The following LRRC9 variants were observed in gnomAD, a reference collection of about 807,000 sequenced individuals.
LRRC9 encodes leucine rich repeat containing 9.
Under a neutral mutation model 63.2 loss-of-function variants are expected in LRRC9, and 122 were observed. That is an observed-to-expected ratio of 1.93 (90% CI 1.67 to 2.24). The LOEUF (loss-of-function observed/expected upper bound fraction) is 2.24. Ranked by LOEUF, LRRC9 falls within the 30% of genes most tolerant of loss-of-function variation. The pLI, the probability that LRRC9 is intolerant of heterozygous loss-of-function variation, is 0.00. For synonymous variants in LRRC9, 366 were observed against 213.1 expected (o/e 1.72, Z -6.25); for missense variants, 1,071 against 627.7 (o/e 1.71, Z -7.55).
intron 29 of LRRC9, among the ~76,000 whole-genome samples, chr14:60,037,011 T>C (rs903730902): frequency 3.3e-5 from 5 of 152,134 alleles, no homozygotes; most frequent in African/African-American, 9.6e-5. Context: ...TGAGAACATG[T>C]GGTGTTTGGT....
intron 18 of LRRC9, 126 bp downstream of exon 18, chr14:59,997,973 T>G (rs219364): frequency 0.8 from 446,306 of 556,248 alleles, 183,278 homozygotes; most frequent in Non-Finnish European, 0.87. Context: ...ACTTCCTTCC[T>G]TGAAGTCATT....
At chr14:59,963,973 TA>T (rs1042487168) in intron 10 of LRRC9, among the ~76,000 whole-genome samples, 1 of 152,230 alleles carries the variant, frequency 6.6e-6, no homozygotes, top group African/African-American at 2.4e-5. Context: ...ACAAAATGTG[TA>T]GGCATCTTTC....
intron 26 of LRRC9, among the ~76,000 whole-genome samples, chr14:60,021,479 T>C (rs1258083688): frequency 1.3e-5 from 2 of 151,868 alleles, no homozygotes; most frequent in African/African-American, 2.4e-5. Context: ...TTGAAGAAAT[T>C]TTAATTTTGA....
intron 23 of LRRC9, among the ~76,000 whole-genome samples, chr14:60,008,935 T>C (rs1595013607): frequency 6.6e-6 from 1 of 152,214 alleles, no homozygotes; most frequent in East Asian, 1.9e-4. Context: ...TGGCCCATCC[T>C]CAGAATGGGT....
intron 23 of LRRC9, among the ~76,000 whole-genome samples, chr14:60,010,145 T>G (rs551905398): frequency 6.6e-6 from 1 of 152,330 alleles, no homozygotes; most frequent in Admixed American, 6.5e-5. Context: ...CAGTGGGGAC[T>G]CTGTGTGGGG....
chr14:59,920,799 T>G (rs890080722), intron 1 of LRRC9, among the ~76,000 whole-genome samples: 15 of 152,246 alleles, frequency 9.9e-5, no homozygotes, highest in Admixed American at 3.9e-4. Flanking sequence ...ACTCTGGTCA[T>G]GGAGAACGAT....
At chr14:60,065,838 C>G (rs1192302497), downstream of LRRC9, among the ~76,000 whole-genome samples, 1 of 151,104 alleles carries the variant, frequency 6.6e-6, no homozygotes, top group African/African-American at 2.4e-5. Context: ...CACAAACAAC[C>G]TGGTAAGCTA....
intron 13 of LRRC9, among the ~76,000 whole-genome samples, chr14:59,975,068 GTGT>G (rs1886002808): frequency 9.1e-5 from 1 of 11,002 alleles, no homozygotes; most frequent in Non-Finnish European, 8.3e-4. Flanking sequence ...ACTAAACTAT[GTGT>G]GTGTGTGTGT....
At chr14:59,920,558 A>C (rs1173909898) in intron 1 of LRRC9, among the ~76,000 whole-genome samples, 1 of 152,156 alleles carries the variant, frequency 6.6e-6, no homozygotes, top group Admixed American at 6.5e-5. Flanking sequence ...GGCTGGAAAA[A>C]CCAAGTGCTC....
chr14:59,973,450 A>G (rs1037487401), intron 12 of LRRC9: 2 of 152,078 alleles, frequency 1.3e-5, no homozygotes, highest in Admixed American at 6.6e-5. Context: ...AAGCCCTATT[A>G]GAGTATACTC....
intron 23 of LRRC9, among the ~76,000 whole-genome samples, chr14:60,010,978 A>G (rs1208057655): frequency 6.6e-6 from 1 of 152,062 alleles, no homozygotes; most frequent in Non-Finnish European, 1.5e-5. Flanking sequence ...AGCCCTCCAA[A>G]CTGTTCCAAC....
chr14:59,931,733 T>C (rs1889719810), intron 5 of LRRC9, 51 bp downstream of exon 5: 1 of 651,018 alleles, frequency 1.5e-6, no homozygotes, highest in African/African-American at 1.8e-5. Context: ...TCATTTTTTA[T>C]CAATATAAAA....
At position 60,053,383 on chromosome 14, in the gene LRRC9, T is replaced by TCACACA. The variant is rs140525122; in HGVS notation, c.4131+211_4131+216dup. Among the ~76,000 whole-genome samples, 4,777 of 85,644 alleles carry TCACACA rather than the reference T, an allele frequency of 0.056. 167 individuals carry two copies. The highest frequency in any genetic ancestry group is 0.1 in the African/African-American group (3,294 of 32,016). The allele number at this position is 85,644 out of a possible 152,430, so 56.2% of individuals were successfully genotyped here. On this transcript the variant is annotated intron_variant, in intron 30 of 31. Transcript: ENST00000445360. The surrounding 1 kb of genome is among the most constrained non-coding windows in gnomAD (Gnocchi z 4.8). ...GATTTGGTGAATAGAGCATGCGTGC[T>TCACACA]CACACACACACACACACACACACAC...
chr14:59,982,484 G>T (rs1371522757), intron 16 of LRRC9, among the ~76,000 whole-genome samples: 1 of 152,118 alleles, frequency 6.6e-6, no homozygotes, highest in Non-Finnish European at 1.5e-5. Context: ...GCCTTGCAGT[G>T]TCATAAAATG....
Position 59,930,545 on chromosome 14 carries a change from T to C in LRRC9, c.268-373T>C, listed in dbSNP as rs1024608220. On this transcript the variant is annotated intron_variant, in intron 3 of 31. Transcript: ENST00000445360. The surrounding 1 kb of genome is among the most constrained non-coding windows in gnomAD (Gnocchi z 4.9). ...CTTAATTTAAAGAGTCCCACAAAAT[T>C]GTGTGTGCATTAGGATTATAAAGTG... Among the ~76,000 whole-genome samples the C allele has an allele frequency of 3.9e-5, 6 of 151,900 alleles. No homozygotes were observed. Among genetic ancestry groups the C allele is most frequent in the Non-Finnish European group, 1.5e-5 (1 of 67,902 alleles).
intron 29 of LRRC9, among the ~76,000 whole-genome samples, chr14:60,044,442 T>C (rs996954248): frequency 6.6e-6 from 1 of 152,176 alleles, no homozygotes; most frequent in Non-Finnish European, 1.5e-5. Context: ...TGCAATAAAC[T>C]TTCCTGTTGG....
At chr14:60,015,413 C>G (rs896770520) in intron 23 of LRRC9, among the ~76,000 whole-genome samples, 3 of 152,108 alleles carry the variant, frequency 2.0e-5, no homozygotes, top group Non-Finnish European at 4.4e-5. Flanking sequence ...TTTTAGCAAG[C>G]CTCCCTTGGC....
intron 31 of LRRC9, 37 bp from the exon 33 acceptor site, chr14:60,063,286 C>T (rs1029549025): frequency 1.3e-5 from 9 of 691,128 alleles, no homozygotes; most frequent in African/African-American, 1.1e-4. Context: ...AAAATTAAGT[C>T]ACCACTATTT....
exon 3 of LRRC9, chr14:59,928,436 G>C (rs974230171): frequency 1.9e-5 from 13 of 695,582 alleles, no homozygotes; most frequent in Non-Finnish European, 2.6e-5. Context: ...TTCAGGGTTA[G>C]AGCCTTGTTT....
Sources: gnomAD v4.1 joint callset for allele counts (sites outside exome capture counted in the v4.1 genomes callset) on GRCh38, gnomAD v4.1.1 for gene constraint, Gnocchi (gnomAD v3.1) non-coding constraint, MANE v1.5 for transcripts, NCBI Gene and HGNC (gene_info 2026-07-23, HGNC 2026-07-21) for gene names.